The following CDH18 variants were observed in gnomAD, a reference collection of about 807,000 sequenced individuals.
CDH18 encodes cadherin-18.
In CDH18, 31 loss-of-function variants were observed where a neutral mutation model predicts 67.9. The ratio of observed to expected loss-of-function variants is 0.46; its 90% confidence interval spans 0.34 to 0.62. The LOEUF (loss-of-function observed/expected upper bound fraction) is 0.62, where lower values mean the gene tolerates loss of function less well. Ranked by LOEUF, CDH18 falls within the 20% of genes least tolerant of loss-of-function variation. The pLI is 0.01. For missense variants in CDH18, 890 were observed against 975.5 expected (o/e 0.91, Z 1.17); for synonymous variants, 362 against 347.2 (o/e 1.04, Z -0.48).
intron 1 of CDH18, among the ~76,000 whole-genome samples, chr5:20,391,648 A>G (rs113587405): frequency 2.2e-4 from 33 of 152,152 alleles, no homozygotes; most frequent in African/African-American, 7.9e-4. Context: ...ATTACTTAAA[A>G]TTTCATTGAC....
intron 4 of CDH18, among the ~76,000 whole-genome samples, chr5:19,739,737 A>G (rs1768853543): frequency 6.6e-6 from 1 of 152,234 alleles, no homozygotes; most frequent in African/African-American, 2.4e-5. Flanking sequence ...ATGTAGAATT[A>G]GAGTGCTGGC....
At chr5:20,439,730 TAAC>T (rs1297908261) in intron 1 of CDH18, among the ~76,000 whole-genome samples, 1 of 151,916 alleles carries the variant, frequency 6.6e-6, no homozygotes, top group East Asian at 1.9e-4. Flanking sequence ...TCCACTTTTT[TAAC>T]AATATAATTT....
At chr5:19,759,175 A>G (rs1772013963) in intron 3 of CDH18, among the ~76,000 whole-genome samples, 1 of 152,174 alleles carries the variant, frequency 6.6e-6, no homozygotes, top group Non-Finnish European at 1.5e-5. Flanking sequence ...CTGCAATTGG[A>G]GTCACTGCTT....
intron 1 of CDH18, among the ~76,000 whole-genome samples, chr5:20,404,009 C>T (rs763380066): frequency 5.9e-5 from 9 of 152,240 alleles, no homozygotes; most frequent in Non-Finnish European, 1.2e-4. Context: ...TCTACATCAG[C>T]ACTTGCTGCT....
rs546521928 is a variant in CDH18, at chr5:20,391,348, TGGTCTTTATCTAAAAATTA to T, written c.-579-135862_-579-135844del. On this transcript the variant is annotated intron_variant, in intron 1 of 14. Coordinates refer to the CDH18 transcript ENST00000507958. ...ATCAGTAGACTCTGAACTTATTGCA[TGGTCTTTATCTAAAAATTA>T]GGAATGCTAATAGTTGCTATATGAT... Among the ~76,000 whole-genome samples the T allele has an allele frequency of 5.6e-4, 85 of 152,112 alleles. 1 individual carries two copies. The highest frequency in any genetic ancestry group is 1.7e-3 in the African/African-American group (71 of 41,536).
intron 2 of CDH18, among the ~76,000 whole-genome samples, chr5:19,844,383 C>T (rs1268593376): frequency 6.6e-6 from 1 of 152,220 alleles, no homozygotes; most frequent in African/African-American, 2.4e-5. Flanking sequence ...ATAAGGGGCT[C>T]TTTCCCCTTT....
At chr5:19,894,486 G>T (rs935941899) in intron 2 of CDH18, among the ~76,000 whole-genome samples, 16 of 151,428 alleles carry the variant, frequency 1.1e-4, no homozygotes, top group Non-Finnish European at 1.5e-5. Context: ...TAAATGTCTG[G>T]CTACCTAAAA....
intron 1 of CDH18, among the ~76,000 whole-genome samples, chr5:20,421,711 G>A (rs1255731662): frequency 1.3e-5 from 2 of 150,726 alleles, no homozygotes; most frequent in African/African-American, 2.5e-5. Context: ...AGTAAAACTT[G>A]AATGTGTTTC....
At chr5:20,371,250 A>G (rs1176087393) in intron 1 of CDH18, among the ~76,000 whole-genome samples, 1 of 152,178 alleles carries the variant, frequency 6.6e-6, no homozygotes, top group Non-Finnish European at 1.5e-5. Context: ...GCAACTGTTC[A>G]GTGGTTAGAA....
rs140987113 is a variant in CDH18, at chr5:20,554,574, C to T, written c.-580+20888G>A. 3.5e-3 allele frequency among the ~76,000 whole-genome samples: 538 copies of T among 152,270 alleles called. 6 individuals are homozygous for T. Among genetic ancestry groups the T allele is most frequent in the African/African-American group, 0.012 (513 of 41,556 alleles). On this transcript the variant is annotated intron_variant, in intron 1 of 14. Transcript: ENST00000507958. ...TTTTATATCTCCATCAATGATTACA[C>T]ATTGGATCACTTTTTTATGTTTTGC...
intron 9 of CDH18, among the ~76,000 whole-genome samples, chr5:19,539,612 A>G (rs1015033034): frequency 3.9e-5 from 6 of 152,116 alleles, no homozygotes; most frequent in African/African-American, 1.4e-4. Context: ...CACTGCTAAT[A>G]AGACATATCT....
chr5:19,476,182 TCA>T (rs1462183281), intron 12 of CDH18, among the ~76,000 whole-genome samples: 4 of 151,832 alleles, frequency 2.6e-5, no homozygotes, highest in African/African-American at 7.3e-5. Flanking sequence ...GTAGAGAAAG[TCA>T]TAGAACCATC....
At position 19,543,927 on chromosome 5, in the gene CDH18, C is replaced by CTCGTCT. The variant is rs1735855360; in HGVS notation, c.1331_1332insAGACGA (p.Lys444_Val445insAspGlu). Reference sequence around the variant, plus strand: ...ATGGAGTTTCTTCTCTGTCGAGAACCTTTGTAGTCCTAATGGTCCCAGTAT... The same window carrying CTCGTCT: ...ATGGAGTTTCTTCTCTGTCGAGAACCTCGTCTTTTGTAGTCCTAATGGTCCCAGTAT... On this transcript the variant is annotated inframe_insertion, in exon 9 of 13. Coordinates refer to ENST00000382275, the MANE Select transcript of CDH18 (RefSeq NM_004934.5). The CTCGTCT allele has an allele frequency of 6.3e-7, 1 of 1,595,830 alleles. No individual in the cohort carries two copies. Among genetic ancestry groups the CTCGTCT allele is most frequent in the South Asian group, 1.1e-5 (1 of 88,800 alleles).
intron 1 of CDH18, among the ~76,000 whole-genome samples, chr5:20,282,224 G>A (rs1746336908): frequency 6.6e-6 from 1 of 152,072 alleles, no homozygotes; most frequent in African/African-American, 2.4e-5. Context: ...CTGCCTGACT[G>A]CCCTGGCCAG....
At chr5:20,076,655 A>G (rs1305149032) in intron 2 of CDH18, among the ~76,000 whole-genome samples, 1 of 152,168 alleles carries the variant, frequency 6.6e-6, no homozygotes, top group East Asian at 1.9e-4. Context: ...GGTTTTCTCA[A>G]CTACGGGCAT....
intron 2 of CDH18, among the ~76,000 whole-genome samples, chr5:20,226,666 T>C (rs1158854560): frequency 6.6e-6 from 1 of 152,068 alleles, no homozygotes; most frequent in Non-Finnish European, 1.5e-5. Flanking sequence ...TAACAAAAAA[T>C]ATCAAACATA....
At chr5:20,247,418 T>C (rs1743465267) in intron 2 of CDH18, among the ~76,000 whole-genome samples, 1 of 152,178 alleles carries the variant, frequency 6.6e-6, no homozygotes, top group Non-Finnish European at 1.5e-5. Context: ...GTTAGTTAAC[T>C]ACAGTTGTTA....
chr5:20,025,570 T>A (rs1738822178), intron 2 of CDH18, among the ~76,000 whole-genome samples: 1 of 152,214 alleles, frequency 6.6e-6, no homozygotes, highest in African/African-American at 2.4e-5. Context: ...ATCTTCTGTA[T>A]AATTAGCAGA....
intron 1 of CDH18, among the ~76,000 whole-genome samples, chr5:20,325,994 T>G (rs1236168838): frequency 6.6e-6 from 1 of 152,196 alleles, no homozygotes. Context: ...TAGTCTTCAT[T>G]GCTTCCTCAT....
Sources: gnomAD v4.1 joint callset for allele counts (sites outside exome capture counted in the v4.1 genomes callset) on GRCh38, gnomAD v4.1.1 for gene constraint, MANE v1.5 for transcripts, NCBI Gene and HGNC (gene_info 2026-07-23, HGNC 2026-07-21) for gene names.